The following ST6GALNAC5 variants were observed in gnomAD, a reference collection of about 807,000 sequenced individuals.
ST6GALNAC5 encodes the protein alpha-N-acetylgalactosaminide alpha-2,6-sialyltransferase 5.
In ST6GALNAC5, 27 loss-of-function variants were observed where a neutral mutation model predicts 33.6. The ratio of observed to expected loss-of-function variants is 0.80; its 90% CI spans 0.59 to 1.11. The LOEUF is 1.11. Among genes scored for constraint, ST6GALNAC5 ranks in the 50% least tolerant of loss-of-function variants. The pLI, the probability that ST6GALNAC5 is intolerant of heterozygous loss-of-function variation, is 0.00. For missense variants in ST6GALNAC5, 428 were observed against 454.0 expected (o/e 0.94, Z 0.52); for synonymous variants, 194 against 171.2 (o/e 1.13, Z -1.04).
At chr1:76,940,195 G>A (rs868814901) in intron 2 of ST6GALNAC5, among the ~76,000 whole-genome samples, 18 of 152,136 alleles carry the variant, frequency 1.2e-4, no homozygotes, top group African/African-American at 4.1e-4. Context: ...AGATATGGCC[G>A]GGGCGAGCAG....
chr1:77,052,942 A>T (rs1185510977), intron 4 of ST6GALNAC5, among the ~76,000 whole-genome samples: 1 of 139,944 alleles, frequency 7.1e-6, no homozygotes, highest in East Asian at 2.2e-4. Context: ...AAAAAAAACA[A>T]TTTTAAGGGG....
intron 2 of ST6GALNAC5, among the ~76,000 whole-genome samples, chr1:76,979,535 G>C (rs12046188): frequency 0.34 from 52,192 of 152,086 alleles, 10,939 homozygotes; most frequent in Non-Finnish European, 0.45. Context: ...GGAAAGAGCA[G>C]CCTCTTCAAT....
chr1:77,044,291 A>G lies in ST6GALNAC5; in HGVS notation c.349A>G (p.Thr117Ala), dbSNP rs774287591. Reference sequence around the variant, plus strand: ...TCGGCAAGGCTCCCAGATTGACCAGACAGAGTGTGTCATCCGCATGAATGA... The same window carrying G: ...TCGGCAAGGCTCCCAGATTGACCAGGCAGAGTGTGTCATCCGCATGAATGA... Reference protein sequence around the residue: ...HSRQGSQIDQTECVIRMNDAP... With the variant: ...HSRQGSQIDQAECVIRMNDAP... The change falls in exon 3 of 5, where the codon ACA becomes GCA. Residue 117 changes from threonine (T) to alanine (A), a missense_variant. By Grantham distance (58) the Thr-to-Ala change is moderately conservative (BLOSUM62 0). Transcript: ENST00000477717. 2 of 1,613,982 alleles carry G rather than the reference A, an allele frequency of 1.2e-6. No homozygotes were observed. Among genetic ancestry groups the G allele is most frequent in the Admixed American group, 1.7e-5 (1 of 60,022 alleles).
chr1:77,020,198 A>G (rs1410212935), intron 2 of ST6GALNAC5, among the ~76,000 whole-genome samples: 1 of 152,172 alleles, frequency 6.6e-6, no homozygotes, highest in Non-Finnish European at 1.5e-5. Flanking sequence ...GAAGATAACA[A>G]GCATGCTTTT....
intron 2 of ST6GALNAC5, among the ~76,000 whole-genome samples, chr1:76,996,784 T>C (rs1649955081): frequency 1.3e-5 from 2 of 152,198 alleles, no homozygotes; most frequent in African/African-American, 4.8e-5. Flanking sequence ...TTTTCCCTTA[T>C]TCCAGTGTTA....
At chr1:76,971,729 T>A (rs534399524) in intron 2 of ST6GALNAC5, among the ~76,000 whole-genome samples, 2 of 152,182 alleles carry the variant, frequency 1.3e-5, no homozygotes, top group East Asian at 3.8e-4. Context: ...CTGTTTTGTA[T>A]TGAATACCGT....
At chr1:76,871,925 T>A (rs1460436964) in intron 2 of ST6GALNAC5, among the ~76,000 whole-genome samples, 1 of 152,110 alleles carries the variant, frequency 6.6e-6, no homozygotes, top group Non-Finnish European at 1.5e-5. Context: ...AGGTACTATA[T>A]CTGTATTCTA....
At chr1:77,061,884 G>A (rs1046474819) in intron 4 of ST6GALNAC5, among the ~76,000 whole-genome samples, 2 of 152,150 alleles carry the variant, frequency 1.3e-5, no homozygotes, top group Non-Finnish European at 2.9e-5. Context: ...AAAACACTCG[G>A]AGACTCTCAG....
intron 4 of ST6GALNAC5, among the ~76,000 whole-genome samples, chr1:77,058,921 T>C (rs1652486101): frequency 6.6e-6 from 1 of 152,172 alleles, no homozygotes; most frequent in Non-Finnish European, 1.5e-5. Context: ...GTAAAGGAGA[T>C]CACATCAGTT....
intron 2 of ST6GALNAC5, among the ~76,000 whole-genome samples, chr1:76,911,433 G>C (rs1464319656): frequency 6.6e-6 from 1 of 152,120 alleles, no homozygotes; most frequent in African/African-American, 2.4e-5. Flanking sequence ...GCCCGGCTTT[G>C]CTATCAGGAT....
chr1:76,973,688 T>TA (rs567778519), intron 2 of ST6GALNAC5, among the ~76,000 whole-genome samples: 9 of 152,082 alleles, frequency 5.9e-5, no homozygotes, highest in Admixed American at 1.3e-4. Flanking sequence ...TCCAAAGTTA[T>TA]AAAAAAATCC....
At chr1:76,886,168 C>T (rs997854838) in intron 2 of ST6GALNAC5, among the ~76,000 whole-genome samples, 2 of 152,170 alleles carry the variant, frequency 1.3e-5, no homozygotes, top group African/African-American at 4.8e-5. Flanking sequence ...AGAAATTTTA[C>T]TGCACAGTTA....
intron 2 of ST6GALNAC5, among the ~76,000 whole-genome samples, chr1:77,037,834 T>C (rs1481406835): frequency 6.6e-6 from 1 of 152,054 alleles, no homozygotes; most frequent in Non-Finnish European, 1.5e-5. Flanking sequence ...ATCTGGGGCA[T>C]ATGTAGTAGG....
intron 2 of ST6GALNAC5, among the ~76,000 whole-genome samples, chr1:76,976,943 A>C (rs564166323): frequency 5.3e-5 from 8 of 152,290 alleles, no homozygotes; most frequent in Admixed American, 2.0e-4. Flanking sequence ...CCTTGTTAAA[A>C]TACTGATTCT....
intron 2 of ST6GALNAC5, among the ~76,000 whole-genome samples, chr1:76,949,222 T>C (rs533857047): frequency 3.4e-4 from 52 of 152,264 alleles, no homozygotes; most frequent in Non-Finnish European, 5.9e-4. Flanking sequence ...AAAGCTTTGC[T>C]CTTCTCATGA....
At chr1:77,001,826 T>A in intron 2 of ST6GALNAC5, among the ~76,000 whole-genome samples, 1 of 151,694 alleles carries the variant, frequency 6.6e-6, no homozygotes, top group Non-Finnish European at 1.5e-5. Context: ...AGCCTTGCAT[T>A]CCAGGAATGA....
intron 2 of ST6GALNAC5, among the ~76,000 whole-genome samples, chr1:77,034,204 A>G (rs1170828362): frequency 6.6e-6 from 1 of 152,050 alleles, no homozygotes; most frequent in Non-Finnish European, 1.5e-5. Flanking sequence ...AGGGAATGAT[A>G]CTTCCTTGCA....
intron 2 of ST6GALNAC5, among the ~76,000 whole-genome samples, chr1:76,927,499 A>G (rs17099716): frequency 0.037 from 5,562 of 152,192 alleles, 354 homozygotes; most frequent in African/African-American, 0.13. Context: ...AAGAGTTAGC[A>G]AAGGCCTGAT....
At chr1:76,944,833 T>C (rs1248482283) in intron 2 of ST6GALNAC5, among the ~76,000 whole-genome samples, 1 of 152,246 alleles carries the variant, frequency 6.6e-6, no homozygotes, top group African/African-American at 2.4e-5. Context: ...GCATTTGTTT[T>C]GGATCTGTAG....
Sources: allele counts gnomAD v4.1 joint callset (sites outside exome capture counted in the v4.1 genomes callset), GRCh38; gene constraint gnomAD v4.1.1; transcripts MANE v1.5; gene names NCBI Gene and HGNC (gene_info 2026-07-23, HGNC 2026-07-21).